ADAMTS17: variants seen among roughly 807,000 people sequenced by gnomAD.
ADAMTS17 encodes the protein ADAM metallopeptidase with thrombospondin type 1 motif 17.
Under a neutral mutation model 141.5 loss-of-function variants are expected in ADAMTS17, and 113 were observed. The observed-to-expected ratio is 0.80, with a 90% CI of 0.69 to 0.93. ADAMTS17 has a LOEUF of 0.93. Among genes scored for constraint, ADAMTS17 ranks in the 40% least tolerant of loss-of-function variants. The pLI is 0.00. For missense variants in ADAMTS17, 1,659 were observed against 1,517.9 expected (o/e 1.09, Z -1.54); for synonymous variants, 768 against 630.6 (o/e 1.22, Z -3.27).
At chr15:99,999,307 C>T (rs2039661717) in intron 18 of ADAMTS17, among the ~76,000 whole-genome samples, 1 of 152,190 alleles carries the variant, frequency 6.6e-6, no homozygotes, top group Admixed American at 6.5e-5. Context: ...CCGTAACACA[C>T]AGTCACAAGT....
chr15:100,273,327 C>T (rs2043977005), intron 4 of ADAMTS17, among the ~76,000 whole-genome samples: 1 of 152,070 alleles, frequency 6.6e-6, no homozygotes, highest in African/African-American at 2.4e-5. Flanking sequence ...GTCATAATGT[C>T]CAGGGCTATT....
At chr15:100,110,296 A>G (rs1243274272) in intron 13 of ADAMTS17, among the ~76,000 whole-genome samples, 3 of 140,818 alleles carry the variant, frequency 2.1e-5, no homozygotes, top group Admixed American at 6.9e-5. Context: ...ACAGAGTCTC[A>G]CTCTGTTGCC....
intron 8 of ADAMTS17, among the ~76,000 whole-genome samples, chr15:100,161,761 G>T (rs568823781): frequency 6.6e-6 from 1 of 152,106 alleles, no homozygotes; most frequent in Non-Finnish European, 1.5e-5. Context: ...TGCCACTAGG[G>T]GATAACAGGC....
At chr15:100,326,049 C>G (rs145210001) in intron 3 of ADAMTS17, among the ~76,000 whole-genome samples, 1 of 152,308 alleles carries the variant, frequency 6.6e-6, no homozygotes, top group East Asian at 1.9e-4. Flanking sequence ...CCTCTTCGCT[C>G]CACACACAGA....
At chr15:100,029,174 A>T (rs1435775) in intron 18 of ADAMTS17, among the ~76,000 whole-genome samples, 8,802 of 152,176 alleles carry the variant, frequency 0.058, 777 homozygotes, top group African/African-American at 0.19. Flanking sequence ...AGTTGTGATT[A>T]TGGAGTCAGA....
chr15:100,108,913 C>G (rs1458804929), intron 14 of ADAMTS17, 76 bp downstream of exon 14: 4 of 1,607,792 alleles, frequency 2.5e-6, no homozygotes, highest in African/African-American at 1.3e-5. Context: ...GACCTCTGCT[C>G]TACCCCACTC....
intron 18 of ADAMTS17, among the ~76,000 whole-genome samples, chr15:100,026,802 T>C (rs1373678686): frequency 6.6e-6 from 1 of 152,236 alleles, no homozygotes; most frequent in Admixed American, 6.5e-5. Flanking sequence ...AATGTCTGCA[T>C]AGCTCTGCCC....
chr15:100,152,892 C>G (rs28636602), intron 9 of ADAMTS17, 130 bp from the exon 10 acceptor site: 7 of 1,201,304 alleles, frequency 5.8e-6, no homozygotes, highest in Non-Finnish European at 7.0e-6. Flanking sequence ...GGAAAAAGGA[C>G]GCAGGCACTG....
At chr15:99,990,925 A>G (rs892445431) in intron 20 of ADAMTS17, among the ~76,000 whole-genome samples, 1 of 152,234 alleles carries the variant, frequency 6.6e-6, no homozygotes, top group Non-Finnish European at 1.5e-5. Flanking sequence ...TGGGGAAAGG[A>G]TTCCCTATTT....
intron 2 of ADAMTS17, among the ~76,000 whole-genome samples, chr15:100,334,696 C>G (rs1203583735): frequency 1.3e-5 from 2 of 152,226 alleles, no homozygotes; most frequent in African/African-American, 4.8e-5. Flanking sequence ...GAGGCACCAC[C>G]TGGAGGGCCC....
rs147492771 is a variant in ADAMTS17 at position 100,129,913 on chromosome 15, A to G, written c.1721+2094T>C. On this transcript the variant is annotated intron_variant, in intron 12 of 21. Transcript: ENST00000268070. ...CCATTAACCAACAGGGTCAGGCCCA[A>G]TGCCATGACTCCAAACCCAGCCCTT... is the stretch of plus-strand genomic sequence containing the variant. Among the ~76,000 whole-genome samples, 362 of 152,326 alleles carry G rather than the reference A, an allele frequency of 2.4e-3. 4 individuals are homozygous for G. The highest frequency in any genetic ancestry group is 2.2e-3 in the Non-Finnish European group (151 of 68,034).
intron 5 of ADAMTS17, 74 bp from the exon 6 acceptor site, chr15:100,261,710 G>T (rs764009369): frequency 8.1e-5 from 124 of 1,523,642 alleles, no homozygotes; most frequent in Non-Finnish European, 1.1e-4. Flanking sequence ...CTATGACAAG[G>T]ACGTTAAGGT....
intron 15 of ADAMTS17, among the ~76,000 whole-genome samples, chr15:100,064,068 G>A (rs1044528693): frequency 6.6e-6 from 1 of 152,104 alleles, no homozygotes; most frequent in East Asian, 1.9e-4. Context: ...ATTAAGATGA[G>A]GTCATCCTGG....
intron 15 of ADAMTS17, among the ~76,000 whole-genome samples, chr15:100,079,517 T>C (rs2034594577): frequency 6.6e-6 from 1 of 152,206 alleles, no homozygotes; most frequent in African/African-American, 2.4e-5. Context: ...AGACATTAGA[T>C]GAGTGGTTAC....
intron 18 of ADAMTS17, among the ~76,000 whole-genome samples, chr15:100,034,228 C>A (rs138378004): frequency 0.012 from 1,836 of 152,348 alleles, 29 homozygotes; most frequent in Non-Finnish European, 0.015. Context: ...AAGTGGTTCA[C>A]AGCACACAGT....
chr15:100,163,040 A>C (rs183295350), intron 8 of ADAMTS17, among the ~76,000 whole-genome samples: 1 of 147,948 alleles, frequency 6.8e-6, no homozygotes, highest in Non-Finnish European at 1.5e-5. Flanking sequence ...ATATATGTGT[A>C]TATATAACTA....
chr15:100,253,435 G>C (rs1376875104), intron 7 of ADAMTS17, among the ~76,000 whole-genome samples: 1 of 13,940 alleles, frequency 7.2e-5, no homozygotes, highest in South Asian at 6.0e-3. Context: ...GGGAGGGGAA[G>C]GTAGAGGGGG....
At chr15:100,054,626 G>A (rs2141605056) in intron 15 of ADAMTS17, among the ~76,000 whole-genome samples, 1 of 152,304 alleles carries the variant, frequency 6.6e-6, no homozygotes, top group East Asian at 1.9e-4. Flanking sequence ...ACTCTGTTAA[G>A]TATGAAGGTT....
At chr15:100,123,049 G>C (rs905556822) in intron 12 of ADAMTS17, among the ~76,000 whole-genome samples, 1 of 152,224 alleles carries the variant, frequency 6.6e-6, no homozygotes, top group Admixed American at 6.5e-5. Flanking sequence ...CCTGACAGAA[G>C]TTCTGGGGGA....
Sources: allele counts gnomAD v4.1 joint callset (sites outside exome capture counted in the v4.1 genomes callset), GRCh38; gene constraint gnomAD v4.1.1; transcripts MANE v1.5; gene names NCBI Gene and HGNC (gene_info 2026-07-23, HGNC 2026-07-21).